NFATC3: variants seen among roughly 807,000 people sequenced by gnomAD.
The protein encoded by NFATC3 is nuclear factor of activated T-cells, cytoplasmic 3.
In NFATC3, 46 loss-of-function variants were observed where a neutral mutation model predicts 98.6. That is an observed-to-expected ratio of 0.47 (90% CI 0.37 to 0.60). The LOEUF (loss-of-function observed/expected upper bound fraction) is 0.60. Among genes scored for constraint, NFATC3 ranks in the 20% least tolerant of loss-of-function variants. The pLI is 0.00. For synonymous variants in NFATC3, 512 were observed against 472.2 expected (o/e 1.08, Z -1.09); for missense variants, 1,256 against 1,295.5 (o/e 0.97, Z 0.47).
chr16:68,171,620 T>G (rs2039465477), intron 5 of NFATC3, among the ~76,000 whole-genome samples: 1 of 151,762 alleles, frequency 6.6e-6, no homozygotes, highest in African/African-American at 2.4e-5. Context: ...ATTACAGGCA[T>G]GCACCACTGT....
intron 4 of NFATC3, among the ~76,000 whole-genome samples, chr16:68,163,456 C>A (rs1410199412): frequency 6.6e-6 from 1 of 151,220 alleles, no homozygotes; most frequent in Non-Finnish European, 1.5e-5. Flanking sequence ...CAGAGGCGCC[C>A]CTCACCTCCC....
At chr16:68,211,223 CTG>C (rs1232939362) in intron 9 of NFATC3, among the ~76,000 whole-genome samples, 1 of 152,104 alleles carries the variant, frequency 6.6e-6, no homozygotes, top group East Asian at 1.9e-4. Flanking sequence ...GAGTCTCGCT[CTG>C]TCGCCAGGCT....
chr16:68,112,645 CGTT>C (rs796224100), intron 1 of NFATC3, among the ~76,000 whole-genome samples: 4 of 119,238 alleles, frequency 3.4e-5, no homozygotes, highest in African/African-American at 1.3e-4. Flanking sequence ...TTTTCTTTTT[CGTT>C]TTTTTTTTTT....
chr16:68,112,312 G>A (rs370026400), intron 1 of NFATC3, among the ~76,000 whole-genome samples: 8 of 113,414 alleles, frequency 7.1e-5, no homozygotes, highest in African/African-American at 2.4e-4. Flanking sequence ...GAGTCTTGCT[G>A]TGTTGCCCAG....
At chr16:68,103,581 T>C (rs146489100) in intron 1 of NFATC3, among the ~76,000 whole-genome samples, 7 of 152,350 alleles carry the variant, frequency 4.6e-5, no homozygotes, top group Admixed American at 1.3e-4. Context: ...TTGAGTTCTT[T>C]TGTTGCTTGT....
At chr16:68,126,731 T>C in intron 3 of NFATC3, 121 bp downstream of exon 3, 1 of 894,776 alleles carries the variant, frequency 1.1e-6, no homozygotes, top group Non-Finnish European at 1.7e-6. Flanking sequence ...GAGCCTCTGT[T>C]GTTTTGGGGG....
rs1488007617 is a variant in NFATC3, at chr16:68,122,380, C to T, written c.497C>T (p.Pro166Leu). Reference sequence around the variant, plus strand: ...CGGGAGTCTTCTCTTAGTCCTAGTCCTGCCAGCAGCATCTCTTCTAGGAGT... The same window carrying T: ...CGGGAGTCTTCTCTTAGTCCTAGTCTTGCCAGCAGCATCTCTTCTAGGAGT... ...SYRESSLSPS[P>L]ASSISSRSWF... Residue 166 changes from proline (P) to leucine (L), a missense_variant, in exon 2 of 10, where the codon CCT becomes CTT. This residue lies in a region of NFATC3 where 464 missense variants were observed against 465.7 expected (regional missense o/e 1.00). Transcript: ENST00000346183. 6.2e-7 allele frequency: 1 copy of T among 1,614,150 alleles called. No homozygotes were observed. The highest frequency in any genetic ancestry group is 8.5e-7 in the Non-Finnish European group (1 of 1,180,032).
chr16:68,139,746 T>C (rs1403293626), intron 3 of NFATC3, among the ~76,000 whole-genome samples: 1 of 152,222 alleles, frequency 6.6e-6, no homozygotes, highest in Non-Finnish European at 1.5e-5. Flanking sequence ...CACCAAATAA[T>C]ACATTCAAAG....
At chr16:68,154,691 G>A (rs1057314497) in intron 3 of NFATC3, among the ~76,000 whole-genome samples, 1 of 152,174 alleles carries the variant, frequency 6.6e-6, no homozygotes, top group Non-Finnish European at 1.5e-5. Context: ...ATATTTCAGA[G>A]GGATAAAATA....
intron 5 of NFATC3, 59 bp from the exon 6 acceptor site, chr16:68,174,315 T>G: frequency 7.9e-7 from 1 of 1,267,410 alleles, no homozygotes; most frequent in Non-Finnish European, 1.0e-6. Context: ...CATTTATGTA[T>G]CAAAGATTTT....
At chr16:68,181,026 G>A (rs2039927146) in intron 6 of NFATC3, among the ~76,000 whole-genome samples, 2 of 152,212 alleles carry the variant, frequency 1.3e-5, no homozygotes, top group African/African-American at 4.8e-5. Flanking sequence ...ACCCAGCAAT[G>A]GGATGGTTGG....
chr16:68,088,482 G>GTATATAATATATATTATA (rs939513745), intron 1 of NFATC3, among the ~76,000 whole-genome samples: 4 of 144,034 alleles, frequency 2.8e-5, no homozygotes, highest in African/African-American at 7.7e-5. Context: ...TATATGTAGT[G>GTATATAATATATATTATA]TATATAATAT....
At chr16:68,129,413 A>C (rs2037005967) in intron 3 of NFATC3, among the ~76,000 whole-genome samples, 1 of 152,224 alleles carries the variant, frequency 6.6e-6, no homozygotes, top group Non-Finnish European at 1.5e-5. Flanking sequence ...TAGTTGACTT[A>C]ACCAGAGTAT....
Position 68,226,932 on chromosome 16 carries a change from AAGAAAAG to A in NFATC3, c.*463_*469del, listed in dbSNP as rs2042052075. The A allele has an allele frequency of 6.9e-6, 1 of 144,878 alleles. No homozygotes were observed. The allele number at this position is 144,878 out of a possible 1,614,324, so 9.0% of individuals were successfully genotyped here. A position where few individuals can be genotyped will look rare whatever the true frequency, so the allele number is the denominator to read the frequency against. On this transcript the variant is annotated 3_prime_UTR_variant, in exon 10 of 10. Transcript: ENST00000346183. ...AAAAAAAAAAAAAAAAAGAAAAAAA[AAGAAAAG>A]AAAAAAAGAAAAAGAAAAAAATATC...
intron 3 of NFATC3, among the ~76,000 whole-genome samples, chr16:68,134,193 C>G (rs562842682): frequency 8.6e-5 from 13 of 152,020 alleles, no homozygotes; most frequent in Non-Finnish European, 1.6e-4. Flanking sequence ...AGTGTTTGTT[C>G]ACATCTTTTG....
chr16:68,143,799 C>G (rs1448604668), intron 3 of NFATC3, among the ~76,000 whole-genome samples: 1 of 152,168 alleles, frequency 6.6e-6, no homozygotes, highest in Non-Finnish European at 1.5e-5. Flanking sequence ...CTGCAGTAAG[C>G]TGCTATCACA....
At chr16:68,127,402 A>G (rs2036893405) in intron 3 of NFATC3, among the ~76,000 whole-genome samples, 1 of 152,088 alleles carries the variant, frequency 6.6e-6, no homozygotes, top group South Asian at 2.1e-4. Context: ...TTAAGGAAAG[A>G]ATTTTTTAAG....
At chr16:68,219,315 G>A (rs563752150) in intron 9 of NFATC3, among the ~76,000 whole-genome samples, 4 of 152,138 alleles carry the variant, frequency 2.6e-5, no homozygotes, top group Admixed American at 6.5e-5. Context: ...CCCGGGAGGC[G>A]GAGGTTGCGG....
At chr16:68,162,783 TTCTCG>T (rs2038955994) in intron 4 of NFATC3, among the ~76,000 whole-genome samples, 1 of 151,946 alleles carries the variant, frequency 6.6e-6, no homozygotes, top group South Asian at 2.1e-4. Flanking sequence ...TCTTGGGTGT[TTCTCG>T]CAGAGGGGGA....
Sources: allele counts gnomAD v4.1 joint callset (sites outside exome capture counted in the v4.1 genomes callset), GRCh38; gene constraint gnomAD v4.1.1; regional missense constraint gnomAD v4.1.1; transcripts MANE v1.5; gene names NCBI Gene and HGNC (gene_info 2026-07-23, HGNC 2026-07-21).